The following BZW2 variants were observed in gnomAD, a reference collection of about 807,000 sequenced individuals.
The protein encoded by BZW2 is eIF5-mimic protein 1.
A neutral mutation model predicts 53.2 loss-of-function variants in BZW2; 23 were observed. That is an observed-to-expected ratio of 0.43 (90% CI 0.31 to 0.61). The LOEUF is 0.61. BZW2 is among the 20% of genes least tolerant of loss of function. BZW2 has a pLI of 0.09. For missense variants in BZW2, 409 were observed against 503.1 expected, an observed-to-expected ratio of 0.81 and a Z score of 1.79; for synonymous variants, 227 against 186.4, an observed-to-expected ratio of 1.22 and a Z score of -1.77.
intron 10 of BZW2, chr7:16,700,632 G>A (rs1281047093): frequency 6.6e-6 from 1 of 152,192 alleles, no homozygotes; most frequent in Non-Finnish European, 1.5e-5. Flanking sequence ...CTGATGCTCT[G>A]ACTGTTGTAC....
intron 2 of BZW2, among the ~76,000 whole-genome samples, chr7:16,668,818 A>G (rs539095476): frequency 6.6e-6 from 1 of 152,308 alleles, no homozygotes; most frequent in South Asian, 2.1e-4. Flanking sequence ...CACATTATAT[A>G]ATAGAACTCT....
At chr7:16,675,984 G>C (rs1490480718) in intron 3 of BZW2, among the ~76,000 whole-genome samples, 1 of 152,190 alleles carries the variant, frequency 6.6e-6, no homozygotes, top group African/African-American at 2.4e-5. Context: ...GAGATGCTGA[G>C]GCAGGAGAAT....
intron 8 of BZW2, among the ~76,000 whole-genome samples, chr7:16,695,720 TC>T (rs1783461669): frequency 6.6e-6 from 1 of 152,172 alleles, no homozygotes; most frequent in South Asian, 2.1e-4. Context: ...TTTCTTTTTT[TC>T]CACGTGCTCT....
intron 1 of BZW2, among the ~76,000 whole-genome samples, chr7:16,663,663 A>G (rs1023320010): frequency 3.9e-5 from 6 of 152,092 alleles, no homozygotes; most frequent in Non-Finnish European, 8.8e-5. Flanking sequence ...TTATTGTTTG[A>G]TGGTATAAGT....
intron 3 of BZW2, among the ~76,000 whole-genome samples, chr7:16,679,852 G>A (rs183360416): frequency 2.6e-5 from 4 of 152,042 alleles, no homozygotes; most frequent in South Asian, 2.1e-4. Flanking sequence ...TAATTACAAC[G>A]AAGTAAAATT....
Position 16,646,257 on chromosome 7 carries a change from G to T in BZW2, c.-39G>T. The T allele has an allele frequency of 3.4e-6, 1 of 292,738 alleles. No individual in the cohort carries two copies. 18.1% of individuals were successfully genotyped at this position (292,738 alleles called of 1,614,324 possible). A position where few individuals can be genotyped will look rare whatever the true frequency, so the allele number is the denominator to read the frequency against. ...GCTGCACGAATCGCCGCAGCCCCCA[G>T]CCTTGCGCGTCGTCGCTACCTCCTC... On this transcript the variant is annotated 5_prime_UTR_variant, in exon 1 of 12. Coordinates refer to ENST00000258761, the MANE Select transcript of BZW2 (RefSeq NM_014038.3).
chr7:16,677,134 G>A (rs1583724136), intron 3 of BZW2, among the ~76,000 whole-genome samples: 1 of 151,980 alleles, frequency 6.6e-6, no homozygotes, highest in Middle Eastern at 3.4e-3. Context: ...CCCAAAGAGG[G>A]TAGCCATTGC....
intron 2 of BZW2, among the ~76,000 whole-genome samples, chr7:16,666,834 G>C (rs1265042123): frequency 1.3e-5 from 2 of 152,178 alleles, no homozygotes; most frequent in Admixed American, 6.5e-5. Context: ...TTGCTATGTT[G>C]TTGAAGCTGG....
chr7:16,655,931 A>G (rs990483957), intron 1 of BZW2, among the ~76,000 whole-genome samples: 4 of 152,068 alleles, frequency 2.6e-5, no homozygotes, highest in African/African-American at 7.2e-5. Flanking sequence ...TTCTGCCTTT[A>G]TCTCTTATTT....
At chr7:16,651,215 A>G (rs1781977333) in intron 1 of BZW2, among the ~76,000 whole-genome samples, 1 of 152,204 alleles carries the variant, frequency 6.6e-6, no homozygotes, top group African/African-American at 2.4e-5. Flanking sequence ...TTTTCTTTTT[A>G]CATCTCAACT....
chr7:16,660,158 G>GTGCCTGGCAC (rs1199963618), intron 1 of BZW2, among the ~76,000 whole-genome samples: 2 of 151,882 alleles, frequency 1.3e-5, no homozygotes, highest in Non-Finnish European at 2.9e-5. Flanking sequence ...CAAAGGACAT[G>GTGCCTGGCAC]AACTCATCCT....
At chr7:16,691,876 TTCTG>T (rs1414887539) in intron 7 of BZW2, among the ~76,000 whole-genome samples, 1 of 125,148 alleles carries the variant, frequency 8.0e-6, no homozygotes, top group Non-Finnish European at 1.6e-5. Context: ...TTTTACTAGG[TTCTG>T]TGTGTGTGTG....
chr7:16,673,342 A>G (rs1486692038), intron 2 of BZW2, among the ~76,000 whole-genome samples: 1 of 152,198 alleles, frequency 6.6e-6, no homozygotes, highest in Non-Finnish European at 1.5e-5. Flanking sequence ...TTTTATAATG[A>G]TACCAAGATA....
chr7:16,660,327 G>T (rs1042365286), intron 1 of BZW2, among the ~76,000 whole-genome samples: 2 of 150,928 alleles, frequency 1.3e-5, no homozygotes, highest in Non-Finnish European at 3.0e-5. Context: ...TTGAGCCCAC[G>T]TGGTCGGGGC....
chr7:16,704,304 A>G (rs1198764222), intron 10 of BZW2, among the ~76,000 whole-genome samples: 1 of 152,238 alleles, frequency 6.6e-6, no homozygotes, highest in Admixed American at 6.5e-5. Context: ...GTAGTGAGCT[A>G]TAGGCTTGCA....
intron 1 of BZW2, among the ~76,000 whole-genome samples, chr7:16,664,436 C>T (rs574664674): frequency 6.6e-6 from 1 of 152,306 alleles, no homozygotes; most frequent in Admixed American, 6.5e-5. Context: ...AGGAGATAGC[C>T]ATGTGGACAG....
intron 1 of BZW2, among the ~76,000 whole-genome samples, chr7:16,656,555 G>GCGCACACA (rs1321463865): frequency 7.6e-4 from 108 of 141,296 alleles, no homozygotes; most frequent in African/African-American, 2.7e-3. Flanking sequence ...GCGCGCGCGC[G>GCGCACACA]CACACACACA....
At chr7:16,659,525 C>T (rs958110603) in intron 1 of BZW2, among the ~76,000 whole-genome samples, 54 of 151,982 alleles carry the variant, frequency 3.6e-4, no homozygotes, top group African/African-American at 1.2e-3. Context: ...ATGTTATCAA[C>T]CCAAAAGATT....
At chr7:16,651,714 T>C (rs1014207798) in intron 1 of BZW2, among the ~76,000 whole-genome samples, 8 of 152,212 alleles carry the variant, frequency 5.3e-5, no homozygotes, top group African/African-American at 1.9e-4. Context: ...AATTTTCTAA[T>C]ATTCGTATGT....
Sources: gnomAD v4.1 joint callset for allele counts (sites outside exome capture counted in the v4.1 genomes callset) on GRCh38, gnomAD v4.1.1 for gene constraint, MANE v1.5 for transcripts, NCBI Gene and HGNC (gene_info 2026-07-23, HGNC 2026-07-21) for gene names.